Variants in PHC2 observed in about 807,000 individuals in gnomAD.
PHC2 encodes the protein polyhomeotic homolog 2.
Under a neutral mutation model 87.4 loss-of-function variants are expected in PHC2, and 29 were observed. The observed-to-expected ratio is 0.33, with a 90% CI of 0.25 to 0.45. PHC2 has a LOEUF of 0.45. PHC2 is among the 20% of genes least tolerant of loss of function. The pLI is 1.00. For missense variants in PHC2, 857 were observed against 1,136.7 expected, an observed-to-expected ratio of 0.75 and a Z score of 3.54; for synonymous variants, 438 against 461.7, an observed-to-expected ratio of 0.95 and a Z score of 0.66.
In PHC2 at chr1:33,332,145, G is replaced by C. The variant is rs1379373330; in HGVS notation, c.1891+130C>G. On this transcript the variant is annotated intron_variant, in intron 11 of 14. Coordinates refer to ENST00000683057, the MANE Select transcript of PHC2 (RefSeq NM_001385109.1). This position sits in a 1 kb window ranked among gnomAD's most constrained non-coding sequence, Gnocchi z 4.2. ...CTTTTTGAGGGAAGGAGGCTGAGGAGGTGCTGGGGGAAATGTTTACAGACT... is the reference window on the plus strand; with the variant it reads ...CTTTTTGAGGGAAGGAGGCTGAGGACGTGCTGGGGGAAATGTTTACAGACT... 5.1e-6 allele frequency: 5 copies of C among 978,710 alleles called. No homozygotes were observed. The highest frequency in any genetic ancestry group is 7.7e-6 in the Non-Finnish European group (5 of 648,426). The allele number at this position is 978,710 out of a possible 1,614,324, so 60.6% of individuals were successfully genotyped here. A position where few individuals can be genotyped will look rare whatever the true frequency, so the allele number is the denominator to read the frequency against.
chr1:33,340,690 C>T (rs1056152581), intron 9 of PHC2, among the ~76,000 whole-genome samples: 8 of 151,958 alleles, frequency 5.3e-5, no homozygotes, highest in Non-Finnish European at 8.8e-5. Context: ...TCCCCCAGGG[C>T]GGGGTAAGTG....
chr1:33,423,880 C>T (rs1233508106), intron 1 of PHC2, among the ~76,000 whole-genome samples: 2 of 152,038 alleles, frequency 1.3e-5, no homozygotes, highest in Non-Finnish European at 2.9e-5. Flanking sequence ...GGGCAGATCA[C>T]GAGGTCAGGA....
intron 1 of PHC2, among the ~76,000 whole-genome samples, chr1:33,416,201 G>A (rs1650195401): frequency 1.3e-5 from 2 of 152,072 alleles, no homozygotes; most frequent in South Asian, 4.1e-4. Context: ...TAATAAAACT[G>A]CTGAAGTGAT....
chr1:33,348,688 G>A (rs894697104), intron 9 of PHC2, among the ~76,000 whole-genome samples: 5 of 152,146 alleles, frequency 3.3e-5, no homozygotes, highest in African/African-American at 1.2e-4. Context: ...GATCAAACAC[G>A]GGAGATATCC....
At position 33,354,402 on chromosome 1, in the gene PHC2, G is replaced by A. The variant is rs61760980; in HGVS notation, c.1557C>T (p.His519=). The part of the protein sequence containing the change: ...TSPNIQPSPA[H]ETGQGIVHAL... ...CCAGGGCCCCACTGTGCTTCATACCGTGAGCTGGGGACGGCTGGATGTTAG... is the reference window on the plus strand; with the variant it reads ...CCAGGGCCCCACTGTGCTTCATACCATGAGCTGGGGACGGCTGGATGTTAG... The change falls in exon 9 of 15, where the codon CAC becomes CAT. Residue 519 remains histidine, a splice_region_variant and synonymous_variant. Transcript: ENST00000683057. The A allele has an allele frequency of 7.4e-5, 119 of 1,611,684 alleles. No individual in the cohort carries two copies. Among genetic ancestry groups the A allele is most frequent in the Non-Finnish European group, 9.2e-5 (108 of 1,179,022 alleles).
chr1:33,366,982 T>C lies in PHC2; in HGVS notation c.976+134A>G, dbSNP rs114460503. 1.4e-3 allele frequency: 1,112 copies of C among 799,784 alleles called. 7 individuals carry two copies. In the African/African-American group the frequency reaches 0.017, roughly 12 times the overall value. The allele number at this position is 799,784 out of a possible 1,614,324, so 49.5% of individuals were successfully genotyped here. ...CCAGGAGCTGATGGACATTTTGAGA[T>C]AGGGAGGGAGGAGAGAGAGATCCAT... On this transcript the variant is annotated intron_variant, in intron 7 of 14. Transcript: ENST00000683057.
chr1:33,387,628 T>C (rs1221661342), intron 1 of PHC2, among the ~76,000 whole-genome samples: 1 of 152,254 alleles, frequency 6.6e-6, no homozygotes, highest in African/African-American at 2.4e-5. Flanking sequence ...TCCTCATTTT[T>C]CTCACAAGAC....
At chr1:33,385,290 G>T (rs1354175009) in intron 1 of PHC2, among the ~76,000 whole-genome samples, 1 of 152,150 alleles carries the variant, frequency 6.6e-6, no homozygotes, top group Non-Finnish European at 1.5e-5. Context: ...TCCGGAAAAT[G>T]AAACAACATA....
intron 1 of PHC2, among the ~76,000 whole-genome samples, chr1:33,381,451 A>G (rs1648487329): frequency 6.6e-6 from 1 of 152,158 alleles, no homozygotes; most frequent in African/African-American, 2.4e-5. Flanking sequence ...AATGGTGTCT[A>G]TACTAATAAT....
intron 1 of PHC2, among the ~76,000 whole-genome samples, chr1:33,412,264 T>C (rs531724046): frequency 1.3e-5 from 2 of 152,304 alleles, no homozygotes; most frequent in South Asian, 4.1e-4. Context: ...ACAGGTTAAG[T>C]AACTCGACCA....
chr1:33,375,103 A>T (rs1335389394), intron 2 of PHC2, among the ~76,000 whole-genome samples: 1 of 152,202 alleles, frequency 6.6e-6, no homozygotes, highest in Non-Finnish European at 1.5e-5. Flanking sequence ...GTGGCTGAGC[A>T]GCTCTTGGTC....
At chr1:33,417,722 G>A (rs1243806468) in intron 1 of PHC2, among the ~76,000 whole-genome samples, 1 of 152,020 alleles carries the variant, frequency 6.6e-6, no homozygotes, top group Non-Finnish European at 1.5e-5. Context: ...GATGACACAA[G>A]TAGATGTAAA....
At chr1:33,402,938 A>T (rs1649600659) in intron 1 of PHC2, among the ~76,000 whole-genome samples, 1 of 151,610 alleles carries the variant, frequency 6.6e-6, no homozygotes, top group African/African-American at 2.4e-5. Context: ...CCTCCCAAGT[A>T]TCTGGGACTA....
intron 1 of PHC2, among the ~76,000 whole-genome samples, chr1:33,396,910 C>T (rs1348131896): frequency 6.6e-6 from 1 of 152,224 alleles, no homozygotes; most frequent in South Asian, 2.1e-4. Context: ...TGGTACAGCA[C>T]TTCCTATGGT....
intron 1 of PHC2, among the ~76,000 whole-genome samples, chr1:33,403,240 C>T (rs1649621326): frequency 6.7e-6 from 1 of 149,244 alleles, no homozygotes; most frequent in Non-Finnish European, 1.5e-5. Flanking sequence ...GATTCTCCTG[C>T]CTCAGCCTCC....
rs1646920522 is a variant in PHC2, at chr1:33,349,629, G to A, written c.1558+4772C>T. The stretch of plus-strand genomic sequence containing the variant: ...GGGCCCGGCTGGGCCTGGCCGGGCG[G>A]GGCCTACGCAGCCCCTCGGCCGGGC... On this transcript the variant is annotated intron_variant, in intron 9 of 14. Coordinates refer to ENST00000683057, the MANE Select transcript of PHC2 (RefSeq NM_001385109.1). The surrounding 1 kb of genome is among the most constrained non-coding windows in gnomAD (Gnocchi z 4.2). 3 of 983,526 alleles carry A rather than the reference G, an allele frequency of 3.1e-6. No individual in the cohort carries two copies. Among genetic ancestry groups the A allele is most frequent in the Non-Finnish European group, 3.6e-6 (3 of 829,316 alleles). The allele number at this position is 983,526 out of a possible 1,614,324, so 60.9% of individuals were successfully genotyped here. A position where few individuals can be genotyped will look rare whatever the true frequency, so the allele number is the denominator to read the frequency against.
intron 1 of PHC2, among the ~76,000 whole-genome samples, chr1:33,390,845 G>A (rs1019910696): frequency 6.6e-6 from 1 of 152,066 alleles, no homozygotes; most frequent in Non-Finnish European, 1.5e-5. Context: ...ACATAAACAA[G>A]TTGTGACCTG....
intron 1 of PHC2, among the ~76,000 whole-genome samples, chr1:33,417,067 T>C (rs6677391): frequency 0.72 from 109,203 of 151,896 alleles, 40,088 homozygotes; most frequent in African/African-American, 0.87. Flanking sequence ...TGGAGATAGA[T>C]AGGGATAAGT....
At chr1:33,384,487 G>A (rs907207592) in intron 1 of PHC2, among the ~76,000 whole-genome samples, 1 of 152,202 alleles carries the variant, frequency 6.6e-6, no homozygotes, top group Non-Finnish European at 1.5e-5. Flanking sequence ...ACCTCCACGT[G>A]GAAAGAAAAT....
Sources: gnomAD v4.1 joint callset for allele counts (sites outside exome capture counted in the v4.1 genomes callset) on GRCh38, gnomAD v4.1.1 for gene constraint, Gnocchi (gnomAD v3.1) non-coding constraint, MANE v1.5 for transcripts, NCBI Gene and HGNC (gene_info 2026-07-23, HGNC 2026-07-21) for gene names.